The following MIB1 variants were observed in gnomAD, a reference collection of about 807,000 sequenced individuals.
MIB1 encodes the protein E3 ubiquitin-protein ligase MIB1.
In MIB1, 278 loss-of-function variants were observed where a neutral mutation model predicts 124.5. That is an observed-to-expected ratio of 2.23 (90% confidence interval 2.02 to 2.47). MIB1 has a LOEUF of 2.47. Among genes scored for constraint, MIB1 ranks in the 30% most tolerant of loss-of-function variants. MIB1 has a pLI of 0.00. For missense variants in MIB1, 957 were observed against 1,254.4 expected, an observed-to-expected ratio of 0.76 and a Z score of 3.58; for synonymous variants, 446 against 429.4, an observed-to-expected ratio of 1.04 and a Z score of -0.48.
intron 13 of MIB1, 89 bp downstream of exon 13, chr18:21,838,586 A>G: frequency 9.0e-7 from 1 of 1,107,614 alleles, no homozygotes; most frequent in East Asian, 2.7e-5. Context: ...TGCTTTATAA[A>G]TTGCCTATTA....
At position 21,869,178 on chromosome 18, in the gene MIB1, T is replaced by C. The variant is rs1434685611; in HGVS notation, c.*4512T>C. On this transcript the variant is annotated 3_prime_UTR_variant, in exon 21 of 21. Transcript: ENST00000261537. The stretch of plus-strand genomic sequence containing the variant: ...AGTTGTGATCGACATGTACAAAATG[T>C]CTAAGAAAGGTCATATGCTGAATAT... The C allele has an allele frequency of 2.6e-5, 4 of 152,480 alleles. No homozygotes were observed. Among genetic ancestry groups the C allele is most frequent in the Non-Finnish European group, 5.9e-5 (4 of 67,890 alleles). 9.4% of individuals were successfully genotyped at this position (152,480 alleles called of 1,614,324 possible).
At chr18:21,734,796 T>C (rs1032242215) in intron 1 of MIB1, among the ~76,000 whole-genome samples, 5 of 152,228 alleles carry the variant, frequency 3.3e-5, no homozygotes, top group African/African-American at 1.2e-4. Flanking sequence ...CCCACAGTGC[T>C]GGGATTACAG....
intron 10 of MIB1, among the ~76,000 whole-genome samples, chr18:21,806,965 G>T (rs1308234616): frequency 6.6e-6 from 1 of 152,094 alleles, no homozygotes; most frequent in Non-Finnish European, 1.5e-5. Context: ...TAACTAGAAC[G>T]GTGAGATACA....
intron 20 of MIB1, among the ~76,000 whole-genome samples, chr18:21,859,361 C>G (rs1055729225): frequency 1.1e-4 from 16 of 150,690 alleles, no homozygotes; most frequent in Non-Finnish European, 2.4e-4. Flanking sequence ...CCATTGCACT[C>G]CAGCCTGGGT....
In MIB1 at chr18:21,849,301, A is replaced by T; in HGVS notation, c.2499A>T (p.Pro833=). The T allele has an allele frequency of 1.2e-6, 2 of 1,613,274 alleles. No individual in the cohort carries two copies. Among genetic ancestry groups the T allele is most frequent in the Non-Finnish European group, 1.7e-6 (2 of 1,179,468 alleles). ...SDMKRDTLFG[P]CGHIATCSLC... The stretch of plus-strand genomic sequence containing the variant: ...TGAAGAGAGATACTCTTTTTGGTCC[A>T]TGTGGACATATTGCTACCTGTTCTT... The change falls in exon 17 of 21, where the codon CCA becomes CCT. Residue 833 remains proline, a synonymous_variant. Coordinates refer to ENST00000261537, the MANE Select transcript of MIB1 (RefSeq NM_020774.4).
chr18:21,815,811 C>T lies in MIB1; in HGVS notation c.1675C>T (p.Gln559Ter). The T allele has an allele frequency of 6.2e-7, 1 of 1,613,804 alleles. No homozygotes were observed. The highest frequency in any genetic ancestry group is 8.5e-7 in the Non-Finnish European group (1 of 1,179,740). ...LLDFGCHPSL[Q>*]DSEGDTPLHD... is the part of the protein sequence containing the mutation. ...GGACTTTGGCTGTCATCCCAGTCTC[C>T]AGGTAAAACCTTTAAAGAAACACAT... is the stretch of plus-strand genomic sequence containing the variant. The change falls in exon 11 of 21, where the codon CAG (glutamine) becomes TAG (stop). Residue 559 changes from glutamine to a stop codon, truncating the protein, a stop_gained and splice_region_variant. Coordinates refer to ENST00000261537, the MANE Select transcript of MIB1 (RefSeq NM_020774.4). LOFTEE classifies it high-confidence loss of function.
intron 18 of MIB1, chr18:21,855,117 T>C (rs1014982453): frequency 4.6e-5 from 7 of 152,256 alleles, no homozygotes; most frequent in African/African-American, 1.7e-4. Context: ...AATCTCTTTT[T>C]GAGTATTTCC....
At chr18:21,860,451 A>G (rs1293886584) in intron 20 of MIB1, among the ~76,000 whole-genome samples, 1 of 151,982 alleles carries the variant, frequency 6.6e-6, no homozygotes, top group Non-Finnish European at 1.5e-5. Context: ...ATTTCTACCT[A>G]ATATTTAATA....
intron 1 of MIB1, among the ~76,000 whole-genome samples, chr18:21,720,390 A>G (rs1333046287): frequency 6.6e-6 from 1 of 152,222 alleles, no homozygotes; most frequent in Non-Finnish European, 1.5e-5. Context: ...GGTATCCTGC[A>G]GAGATAAACA....
intron 12 of MIB1, among the ~76,000 whole-genome samples, chr18:21,823,268 T>A (rs969814718): frequency 2.0e-5 from 3 of 149,498 alleles, no homozygotes; most frequent in Middle Eastern, 3.5e-3. Context: ...GGGTGTGGCA[T>A]CACAGACTTT....
At chr18:21,819,034 A>G (rs1276517580) in intron 11 of MIB1, among the ~76,000 whole-genome samples, 1 of 151,796 alleles carries the variant, frequency 6.6e-6, no homozygotes, top group Non-Finnish European at 1.5e-5. Context: ...TCTTGCCTGT[A>G]TTTTTGTTTT....
chr18:21,831,494 T>C (rs1165568569), intron 12 of MIB1: 1 of 152,154 alleles, frequency 6.6e-6, no homozygotes, highest in East Asian at 1.9e-4. Flanking sequence ...TGTGCCTCTC[T>C]CTTCCCTGAC....
intron 6 of MIB1, among the ~76,000 whole-genome samples, 197 bp from the exon 7 acceptor site, chr18:21,791,177 G>T (rs2041498277): frequency 6.8e-6 from 1 of 148,020 alleles, no homozygotes; most frequent in African/African-American, 2.5e-5. Context: ...GCAAGACTCT[G>T]TCTAAAAAAA....
intron 20 of MIB1, among the ~76,000 whole-genome samples, chr18:21,860,912 G>A (rs1166406171): frequency 2.6e-5 from 4 of 152,128 alleles, no homozygotes; most frequent in Non-Finnish European, 5.9e-5. Context: ...TATGACACAT[G>A]CCTGGAGTCC....
intron 10 of MIB1, among the ~76,000 whole-genome samples, chr18:21,813,691 T>C (rs1164233697): frequency 1.3e-5 from 2 of 152,248 alleles, no homozygotes; most frequent in African/African-American, 2.4e-5. Context: ...CTGTTTTGAA[T>C]GAACTATTTA....
chr18:21,820,890 A>G (rs1024999332), intron 12 of MIB1, among the ~76,000 whole-genome samples: 5 of 152,250 alleles, frequency 3.3e-5, no homozygotes, highest in Non-Finnish European at 5.9e-5. Context: ...CTTTAGAATC[A>G]TAACTGTTAA....
intron 1 of MIB1, chr18:21,712,040 G>T: frequency 5.8e-6 from 1 of 172,750 alleles, no homozygotes; most frequent in Admixed American, 5.3e-5. Context: ...ATTCTTCTGT[G>T]TACTCTGCTA....
At chr18:21,817,304 A>G (rs956211085) in intron 11 of MIB1, among the ~76,000 whole-genome samples, 1 of 151,760 alleles carries the variant, frequency 6.6e-6, no homozygotes, top group Non-Finnish European at 1.5e-5. Context: ...GTGAGCTGCC[A>G]TGCCTGGCTA....
At chr18:21,726,766 G>A (rs1382408163) in intron 1 of MIB1, among the ~76,000 whole-genome samples, 2 of 152,148 alleles carry the variant, frequency 1.3e-5, no homozygotes, top group African/African-American at 4.8e-5. Flanking sequence ...ATCATTGCCT[G>A]TGCATCCCTT....
Sources: allele counts gnomAD v4.1 joint callset (sites outside exome capture counted in the v4.1 genomes callset), GRCh38; gene constraint gnomAD v4.1.1; transcripts MANE v1.5; gene names NCBI Gene and HGNC (gene_info 2026-07-23, HGNC 2026-07-21).